Variants in NRG4 observed in about 807,000 individuals in gnomAD.
The protein encoded by NRG4 is neuregulin 4.
A neutral mutation model predicts 15.0 loss-of-function variants in NRG4; 10 were observed. That is an observed-to-expected ratio of 0.67 (90% CI 0.41 to 1.13). NRG4 has a LOEUF of 1.13. Ranked by LOEUF, NRG4 falls within the 50% of genes most tolerant of loss-of-function variation. The probability of loss-of-function intolerance (pLI) is 0.00; values close to 1 mark genes in which losing one functional copy is unlikely to be tolerated. For missense variants in NRG4, 139 were observed against 140.2 expected (o/e 0.99, Z 0.04); for synonymous variants, 41 against 50.1 (o/e 0.82, Z 0.77).
In NRG4 at chr15:76,023,174, AC is replaced by A. The variant is rs1377735902; in HGVS notation, c.-56-11889del. Among the ~76,000 whole-genome samples, 84 of 147,668 alleles carry A rather than the reference AC, an allele frequency of 5.7e-4. No individual in the cohort carries two copies. In the East Asian group the frequency reaches 7.3e-3, roughly 13 times the overall value. On this transcript the variant is annotated intron_variant, in intron 5 of 8. Transcript: ENST00000563910. ...CACACACACACACACACACACACAC[AC>A]ACACACACAAGCAAGGACCAAGGCA...
chr15:75,962,105 G>C, intron 3 of NRG4, 131 bp from the exon 4 acceptor site: 1 of 591,696 alleles, frequency 1.7e-6, no homozygotes, highest in Admixed American at 3.3e-5. Context: ...GAGTAGACAG[G>C]TTTTCCTATA....
At chr15:76,054,947 GA>G (rs1340856425) in intron 2 of NRG4, among the ~76,000 whole-genome samples, 3 of 152,114 alleles carry the variant, frequency 2.0e-5, no homozygotes, top group East Asian at 3.9e-4. Context: ...AATGAAAAAA[GA>G]AAAAAATTCA....
intron 3 of NRG4, among the ~76,000 whole-genome samples, chr15:75,985,207 G>C (rs978596139): frequency 6.6e-6 from 1 of 152,124 alleles, no homozygotes; most frequent in Non-Finnish European, 1.5e-5. Context: ...TAACTCCCAG[G>C]AAGACTCAAT....
At chr15:75,945,880 T>C (rs1349624265) in intron 5 of NRG4, 1 of 152,160 alleles carries the variant, frequency 6.6e-6, no homozygotes, top group Non-Finnish European at 1.5e-5. Context: ...CTAAATATAC[T>C]ATTTTTCCTG....
intron 5 of NRG4, among the ~76,000 whole-genome samples, chr15:75,955,181 C>T (rs1224096199): frequency 1.3e-5 from 2 of 152,144 alleles, no homozygotes; most frequent in Non-Finnish European, 2.9e-5. Context: ...GGAGTTCTCT[C>T]TTCATACACC....
intron 5 of NRG4, among the ~76,000 whole-genome samples, chr15:75,951,431 G>C (rs1004343776): frequency 6.6e-6 from 1 of 152,050 alleles, no homozygotes; most frequent in African/African-American, 2.4e-5. Context: ...GCCTCCCAAA[G>C]TGCTGGGATT....
intron 3 of NRG4, among the ~76,000 whole-genome samples, chr15:75,983,300 G>T (rs78911138): frequency 0.035 from 5,402 of 152,170 alleles, 155 homozygotes; most frequent in Non-Finnish European, 0.053. Flanking sequence ...AAGACATTGA[G>T]ATCTGAAAAC....
At chr15:76,003,877 G>A (rs1320419154) in intron 3 of NRG4, among the ~76,000 whole-genome samples, 1 of 152,040 alleles carries the variant, frequency 6.6e-6, no homozygotes, top group Non-Finnish European at 1.5e-5. Context: ...AAGGCATTCC[G>A]AGATAAAAGC....
intron 5 of NRG4, among the ~76,000 whole-genome samples, chr15:76,030,612 A>G (rs989074705): frequency 6.6e-6 from 1 of 152,232 alleles, no homozygotes; most frequent in Non-Finnish European, 1.5e-5. Context: ...AATCTAAATG[A>G]AAAACCTCAA....
chr15:75,974,773 A>G (rs530191220), intron 3 of NRG4, among the ~76,000 whole-genome samples: 2 of 152,232 alleles, frequency 1.3e-5, no homozygotes, highest in African/African-American at 4.8e-5. Flanking sequence ...TTTACTTCCA[A>G]TTATGTAGTC....
chr15:75,975,656 T>G (rs1357379291), intron 3 of NRG4, among the ~76,000 whole-genome samples: 1 of 152,214 alleles, frequency 6.6e-6, no homozygotes, highest in African/African-American at 2.4e-5. Flanking sequence ...TTCTTTTCTT[T>G]AAGAATGTTG....
At chr15:75,961,574 A>G (rs750937880) in intron 4 of NRG4, among the ~76,000 whole-genome samples, 8 of 152,218 alleles carry the variant, frequency 5.3e-5, no homozygotes, top group Non-Finnish European at 1.0e-4. Flanking sequence ...CATATTTGCT[A>G]TAGTGAGTAT....
At chr15:75,992,964 T>C (rs544418304) in intron 3 of NRG4, among the ~76,000 whole-genome samples, 1 of 152,262 alleles carries the variant, frequency 6.6e-6, no homozygotes, top group South Asian at 2.1e-4. Context: ...GCTTTTATTA[T>C]TGTCTTCATC....
At chr15:76,024,954 T>C (rs1311108307) in intron 5 of NRG4, among the ~76,000 whole-genome samples, 1 of 152,066 alleles carries the variant, frequency 6.6e-6, no homozygotes, top group African/African-American at 2.4e-5. Context: ...GAAATTAATG[T>C]AAGCAAAAAC....
chr15:75,959,053 T>C, intron 4 of NRG4: 1 of 313,396 alleles, frequency 3.2e-6, no homozygotes, highest in South Asian at 2.6e-5. Flanking sequence ...CAGTCATGGC[T>C]TAACTGCAGC....
At chr15:76,031,558 C>T (rs1390234183) in intron 5 of NRG4, among the ~76,000 whole-genome samples, 1 of 152,164 alleles carries the variant, frequency 6.6e-6, no homozygotes, top group Non-Finnish European at 1.5e-5. Context: ...GGCATGGCAG[C>T]ATGCTCCTGT....
At chr15:75,968,330 G>A (rs2032920543) in intron 3 of NRG4, among the ~76,000 whole-genome samples, 3 of 152,170 alleles carry the variant, frequency 2.0e-5, no homozygotes, top group African/African-American at 4.8e-5. Context: ...GCTCACGCCT[G>A]TAATCCCAGC....
intron 3 of NRG4, among the ~76,000 whole-genome samples, chr15:76,007,570 C>T (rs1336373842): frequency 6.6e-6 from 1 of 151,868 alleles, no homozygotes; most frequent in Non-Finnish European, 1.5e-5. Flanking sequence ...GCTGGGACTA[C>T]AGGCGCCCAC....
intron 5 of NRG4, among the ~76,000 whole-genome samples, chr15:75,953,894 C>A (rs2032063958): frequency 1.3e-5 from 2 of 152,140 alleles, no homozygotes; most frequent in Admixed American, 1.3e-4. Context: ...ACTATGTTTC[C>A]CAGGCTGGTC....
Sources: allele counts gnomAD v4.1 joint callset (sites outside exome capture counted in the v4.1 genomes callset), GRCh38; gene constraint gnomAD v4.1.1; transcripts MANE v1.5; gene names NCBI Gene and HGNC (gene_info 2026-07-23, HGNC 2026-07-21).